The following UPP2 variants were observed in gnomAD, a reference collection of about 807,000 sequenced individuals.
UPP2 encodes UPase 2.
A neutral mutation model predicts 26.7 loss-of-function variants in UPP2; 23 were observed. The ratio of observed to expected loss-of-function variants is 0.86; its 90% CI spans 0.62 to 1.22. UPP2 has a LOEUF of 1.22. Among genes scored for constraint, UPP2 ranks in the 50% most tolerant of loss-of-function variants. UPP2 has a pLI of 0.00. For synonymous variants in UPP2, 127 were observed against 141.3 expected (o/e 0.90, Z 0.72); for missense variants, 387 against 396.7 (o/e 0.98, Z 0.21).
At chr2:158,004,509 C>T (rs775677042) in intron 2 of UPP2, among the ~76,000 whole-genome samples, 1 of 152,200 alleles carries the variant, frequency 6.6e-6, no homozygotes, top group African/African-American at 2.4e-5. Flanking sequence ...TGTCAAACTT[C>T]ATTGCTTCAG....
intron 3 of UPP2, among the ~76,000 whole-genome samples, chr2:158,030,262 A>G (rs901899511): frequency 5.3e-5 from 8 of 152,240 alleles, no homozygotes; most frequent in Non-Finnish European, 7.3e-5. Flanking sequence ...GAAATTCTAA[A>G]TTAAGCATTA....
At chr2:158,087,170 AATGTT>A (rs1682830606) in intron 3 of UPP2, among the ~76,000 whole-genome samples, 1 of 152,146 alleles carries the variant, frequency 6.6e-6, no homozygotes, top group South Asian at 2.1e-4. Context: ...TGGGCACTCC[AATGTT>A]AGGTGCATAT....
upstream of UPP2, among the ~76,000 whole-genome samples, chr2:158,099,114 G>A (rs1352845150): frequency 6.6e-6 from 1 of 152,220 alleles, no homozygotes; most frequent in African/African-American, 2.4e-5. Flanking sequence ...AGTATGAGGA[G>A]TGTGGTAACT....
chr2:158,110,594 T>A (rs1310136798), intron 2 of UPP2, among the ~76,000 whole-genome samples: 3 of 152,200 alleles, frequency 2.0e-5, no homozygotes. Flanking sequence ...CGCCACACTG[T>A]CTTCCACAAT....
intron 2 of UPP2, among the ~76,000 whole-genome samples, chr2:158,113,936 C>T (rs1453682311): frequency 6.6e-6 from 1 of 152,184 alleles, no homozygotes; most frequent in African/African-American, 2.4e-5. Context: ...ATAATGGTTA[C>T]CATTTGCACA....
intron 3 of UPP2, among the ~76,000 whole-genome samples, chr2:158,075,029 A>C (rs973203436): frequency 6.6e-6 from 1 of 152,140 alleles, no homozygotes; most frequent in Non-Finnish European, 1.5e-5. Flanking sequence ...AGACACAAGG[A>C]AAGTCATTAC....
chr2:158,053,388 T>C (rs564693831), intron 3 of UPP2, among the ~76,000 whole-genome samples: 1 of 152,266 alleles, frequency 6.6e-6, no homozygotes, highest in Admixed American at 6.5e-5. Context: ...GGAACAGGTA[T>C]ATTAGATAAG....
At chr2:158,125,755 CCT>C (rs1229926290) in intron 6 of UPP2, among the ~76,000 whole-genome samples, 1 of 152,162 alleles carries the variant, frequency 6.6e-6, no homozygotes, top group East Asian at 1.9e-4. Context: ...TTGCTAGTAT[CCT>C]CTTTTAGAGA....
Position 158,117,919 on chromosome 2 carries a change from C to A in UPP2, c.435C>A (p.Ile145=), listed in dbSNP as rs754084452. Residue 145 remains isoleucine, a synonymous_variant, in exon 4 of 7, where the codon ATC becomes ATA. Transcript: ENST00000005756. Reference sequence around the variant, plus strand: ...GCTGCGATGTCACCATTATTAGAATCGGTACATCAGGGGGAATAGGTGAGA... The same window carrying A: ...GCTGCGATGTCACCATTATTAGAATAGGTACATCAGGGGGAATAGGTGAGA... ...ARCCDVTIIR[I]GTSGGIGIAP... 5.6e-6 allele frequency: 9 copies of A among 1,611,072 alleles called. No homozygotes were observed. Among genetic ancestry groups the A allele is most frequent in the Non-Finnish European group, 6.8e-6 (8 of 1,177,418 alleles).
intron 3 of UPP2, among the ~76,000 whole-genome samples, chr2:158,074,651 AAGAC>A (rs1163498365): frequency 1.3e-5 from 2 of 150,672 alleles, no homozygotes; most frequent in African/African-American, 4.9e-5. Flanking sequence ...TAGTCAAAGA[AAGAC>A]AGGAAGGAAG....
chr2:158,112,276 A>G (rs1009032364), intron 2 of UPP2, among the ~76,000 whole-genome samples: 14 of 152,306 alleles, frequency 9.2e-5, no homozygotes, highest in African/African-American at 3.4e-4. Flanking sequence ...TCACTAGAAC[A>G]GAACCAAGAG....
chr2:158,094,015 A>T (rs1682950871), intron 3 of UPP2, among the ~76,000 whole-genome samples: 1 of 150,412 alleles, frequency 6.6e-6, no homozygotes, highest in Non-Finnish European at 1.5e-5. Context: ...ATTCTTATAT[A>T]TACATATCTA....
At chr2:158,068,526 C>G (rs897247886) in intron 3 of UPP2, among the ~76,000 whole-genome samples, 5 of 151,670 alleles carry the variant, frequency 3.3e-5, no homozygotes, top group Non-Finnish European at 2.9e-5. Context: ...ATTACCTCCC[C>G]CGCTGTTCTG....
rs1405647649 is a variant in UPP2 at position 158,077,305 on chromosome 2, A to T, written c.148-24735A>T. On this transcript the variant is annotated intron_variant, in intron 3 of 9. Coordinates refer to the UPP2 transcript ENST00000605860. The stretch of plus-strand genomic sequence containing the variant: ...AGAAAAAAACAATCCTAGAACTTAT[A>T]TGAAACCACAAAAGACTCAAAACAG... 2.0e-5 allele frequency among the ~76,000 whole-genome samples: 3 copies of T among 152,120 alleles called. No individual in the cohort carries two copies. In the East Asian group the frequency reaches 5.8e-4, roughly 29 times the overall value.
intron 2 of UPP2, among the ~76,000 whole-genome samples, chr2:158,010,419 T>C (rs1683557049): frequency 6.6e-6 from 1 of 152,248 alleles, no homozygotes. Context: ...AACTGTTGCA[T>C]CCTCTTCCCG....
chr2:158,071,705 C>T (rs142908507), intron 3 of UPP2, among the ~76,000 whole-genome samples: 9 of 152,112 alleles, frequency 5.9e-5, no homozygotes, highest in African/African-American at 2.2e-4. Flanking sequence ...CCCCAGACAA[C>T]ATTTCTATAT....
intron 4 of UPP2, among the ~76,000 whole-genome samples, chr2:158,118,195 T>C (rs1480203931): frequency 1.3e-5 from 2 of 151,340 alleles, no homozygotes; most frequent in African/African-American, 4.9e-5. Context: ...AAGGGAAGAG[T>C]AGAAAAATTG....
intron 2 of UPP2, among the ~76,000 whole-genome samples, chr2:158,010,923 G>A (rs1683567006): frequency 6.6e-6 from 1 of 151,916 alleles, no homozygotes; most frequent in African/African-American, 2.4e-5. Context: ...ACGCCTCCAT[G>A]CCCAGCTGAT....
At chr2:158,088,968 AG>A (rs1430402750) in intron 3 of UPP2, among the ~76,000 whole-genome samples, 1 of 152,156 alleles carries the variant, frequency 6.6e-6, no homozygotes, top group Non-Finnish European at 1.5e-5. Flanking sequence ...GCCTCCAGCC[AG>A]GGGGTGGTGC....
Sources: allele counts gnomAD v4.1 joint callset (sites outside exome capture counted in the v4.1 genomes callset), GRCh38; gene constraint gnomAD v4.1.1; transcripts MANE v1.5; gene names NCBI Gene and HGNC (gene_info 2026-07-23, HGNC 2026-07-21).